SNX29: variants seen among roughly 807,000 people sequenced by gnomAD.
SNX29 encodes the protein sorting nexin 29, also known as sorting nexin-29.
Under a neutral mutation model 102.1 loss-of-function variants are expected in SNX29, and 78 were observed. The observed-to-expected ratio is 0.76, with a 90% CI of 0.64 to 0.92. The LOEUF (loss-of-function observed/expected upper bound fraction) is 0.92. SNX29 is among the 40% of genes least tolerant of loss of function. The probability of loss-of-function intolerance (pLI) is 0.00; values close to 1 mark genes in which losing one functional copy is unlikely to be tolerated. For missense variants in SNX29, 1,280 were observed against 1,061.7 expected (o/e 1.21, Z -2.86); for synonymous variants, 580 against 414.5 (o/e 1.40, Z -4.85).
intron 13 of SNX29, among the ~76,000 whole-genome samples, chr16:12,160,011 G>T (rs371568820): frequency 6.6e-6 from 1 of 152,140 alleles, no homozygotes; most frequent in South Asian, 2.1e-4. Flanking sequence ...GGAACTCTAA[G>T]TAAGTCCCTT....
intron 8 of SNX29, among the ~76,000 whole-genome samples, chr16:12,060,554 G>A (rs1384778186): frequency 6.6e-6 from 1 of 152,230 alleles, no homozygotes; most frequent in African/African-American, 2.4e-5. Context: ...AGTGAACTAT[G>A]ATTGTGCCAC....
intron 20 of SNX29, among the ~76,000 whole-genome samples, chr16:12,548,056 A>C (rs1006930051): frequency 2.0e-5 from 3 of 152,178 alleles, no homozygotes; most frequent in South Asian, 2.1e-4. Flanking sequence ...CACCCCTGGC[A>C]CACACACGGT....
At chr16:12,027,500 C>G in intron 4 of SNX29, 56 bp downstream of exon 4, 1 of 1,599,232 alleles carries the variant, frequency 6.3e-7, no homozygotes, top group Non-Finnish European at 8.5e-7. Context: ...TGCTCTTTTT[C>G]TTTTTATTTA....
rs2054227241 is a variant in SNX29 at position 12,126,684 on chromosome 16, A to T, written c.1454A>T (p.Glu485Val). The T allele has an allele frequency of 6.2e-7, 1 of 1,613,854 alleles. No homozygotes were observed. The highest frequency in any genetic ancestry group is 8.5e-7 in the Non-Finnish European group (1 of 1,179,864). The stretch of plus-strand genomic sequence containing the variant: ...ATGATGAACAGGAAGGATGAGCTGG[A>T]GGAGGAGAACAGGTACCGTGATTTT... Reference protein sequence around the residue: ...VAMMNRKDELEEENRSLRNLL... With the variant: ...VAMMNRKDELVEENRSLRNLL... The change falls in exon 12 of 21, where the codon GAG becomes GTG. Residue 485 changes from glutamate to valine, a missense_variant. Physicochemically the swap from Glu to Val is moderately radical, Grantham distance 121. Coordinates refer to ENST00000566228, the MANE Select transcript of SNX29 (RefSeq NM_032167.5).
rs143742795 is a variant in SNX29 at position 12,402,893 on chromosome 16, A to T, written c.1956-555A>T. Among the ~76,000 whole-genome samples the T allele has an allele frequency of 6.0e-3, 909 of 152,106 alleles. 7 individuals carry two copies. The highest frequency in any genetic ancestry group is 8.4e-3 in the Non-Finnish European group (572 of 67,982). Reference sequence around the variant, plus strand: ...TTTTCTCTGGTCCCTCCCTCCTCCCATCCTAAACAGCTGTCACCCTTGTTG... The same window carrying T: ...TTTTCTCTGGTCCCTCCCTCCTCCCTTCCTAAACAGCTGTCACCCTTGTTG... On this transcript the variant is annotated intron_variant, in intron 17 of 20. Transcript: ENST00000566228.
chr16:12,567,779 A>G (rs1228700181), intron 20 of SNX29, among the ~76,000 whole-genome samples: 1 of 152,166 alleles, frequency 6.6e-6, no homozygotes, highest in African/African-American at 2.4e-5. Flanking sequence ...ACAATTTTGA[A>G]AAAATGCAAC....
chr16:12,033,562 G>T (rs887399613), intron 4 of SNX29, among the ~76,000 whole-genome samples: 3 of 151,310 alleles, frequency 2.0e-5, no homozygotes, highest in African/African-American at 7.3e-5. Context: ...ATAGTCCTGA[G>T]TTCTTCTTCC....
chr16:12,171,082 G>A (rs945302289), intron 13 of SNX29, among the ~76,000 whole-genome samples: 10 of 151,990 alleles, frequency 6.6e-5, no homozygotes, highest in Non-Finnish European at 1.5e-4. Context: ...GCTTGTTTGC[G>A]GTCTATAATT....
chr16:12,427,374 G>T (rs2085125731), intron 18 of SNX29, among the ~76,000 whole-genome samples: 1 of 152,044 alleles, frequency 6.6e-6, no homozygotes, highest in Non-Finnish European at 1.5e-5. Flanking sequence ...TGAATTACCA[G>T]TTTGCCACCT....
intron 10 of SNX29, among the ~76,000 whole-genome samples, chr16:12,073,336 G>T (rs1474079373): frequency 2.0e-5 from 3 of 152,016 alleles, no homozygotes; most frequent in Non-Finnish European, 4.4e-5. Flanking sequence ...TCTACACACT[G>T]CTTCAAATGT....
At position 12,570,651 on chromosome 16, in the gene SNX29, T is replaced by G. The variant is rs530891651; in HGVS notation, c.*2022T>G. ...AAAGGAACCTCCCCCATCTGTGACA[T>G]TCCCTTGGGCCCAGGCTTATGACCT... On this transcript the variant is annotated 3_prime_UTR_variant, in exon 21 of 21. Coordinates refer to ENST00000566228, the MANE Select transcript of SNX29 (RefSeq NM_032167.5). The G allele has an allele frequency of 4.8e-4, 111 of 231,138 alleles. 1 individual carries two copies. Among genetic ancestry groups the G allele is most frequent in the African/African-American group, 2.2e-3 (98 of 45,332 alleles). The allele number at this position is 231,138 out of a possible 1,614,324, so 14.3% of individuals were successfully genotyped here.
At chr16:12,130,031 G>A (rs1160277239) in intron 13 of SNX29, among the ~76,000 whole-genome samples, 3 of 151,826 alleles carry the variant, frequency 2.0e-5, no homozygotes, top group Non-Finnish European at 2.9e-5. Flanking sequence ...TTGAACCCGG[G>A]AGGCAGAGGT....
At chr16:12,540,474 A>G (rs970289611) in intron 20 of SNX29, among the ~76,000 whole-genome samples, 1 of 152,252 alleles carries the variant, frequency 6.6e-6, no homozygotes. Flanking sequence ...ACTAGGCTAC[A>G]GTCAAGGTGT....
intron 16 of SNX29, among the ~76,000 whole-genome samples, chr16:12,392,880 C>T (rs553090300): frequency 5.3e-5 from 8 of 152,282 alleles, no homozygotes; most frequent in Non-Finnish European, 1.0e-4. Context: ...GTCCTGAAGG[C>T]GTGGATAGCC....
At chr16:11,987,429 A>G (rs1248507002) in intron 1 of SNX29, among the ~76,000 whole-genome samples, 33 of 112,074 alleles carry the variant, frequency 2.9e-4, no homozygotes, top group Admixed American at 3.7e-4. Flanking sequence ...TTTGAGACAG[A>G]GTCTCACTCT....
chr16:12,200,602 C>G (rs1252723959), intron 14 of SNX29, among the ~76,000 whole-genome samples: 1 of 152,112 alleles, frequency 6.6e-6, no homozygotes, highest in African/African-American at 2.4e-5. Context: ...CCTGCCTCAG[C>G]CTCCCAAATA....
At chr16:12,199,240 A>G (rs1191607431) in intron 13 of SNX29, among the ~76,000 whole-genome samples, 10 of 152,214 alleles carry the variant, frequency 6.6e-5, no homozygotes, top group Non-Finnish European at 1.5e-4. Context: ...AGTAGTCAGT[A>G]CATGCTTCTG....
chr16:12,565,932 C>T (rs533004335), intron 20 of SNX29, among the ~76,000 whole-genome samples: 3 of 152,274 alleles, frequency 2.0e-5, no homozygotes, highest in Admixed American at 6.5e-5. Flanking sequence ...GCCATCTGTC[C>T]AGTGTCTGCC....
chr16:12,561,888 G>A (rs145434061), intron 20 of SNX29, among the ~76,000 whole-genome samples: 42 of 152,280 alleles, frequency 2.8e-4, no homozygotes, highest in South Asian at 1.4e-3. Context: ...CTAGGTGACC[G>A]TGGCATCCCA....
Sources: allele counts gnomAD v4.1 joint callset (sites outside exome capture counted in the v4.1 genomes callset), GRCh38; gene constraint gnomAD v4.1.1; transcripts MANE v1.5; gene names NCBI Gene and HGNC (gene_info 2026-07-23, HGNC 2026-07-21).